The following KY variants were observed in gnomAD, a reference collection of about 807,000 sequenced individuals.
The protein encoded by KY is kyphoscoliosis peptidase.
In KY, 43 loss-of-function variants were observed where a neutral mutation model predicts 76.1. That is an observed-to-expected ratio of 0.57 (90% CI 0.44 to 0.73). The LOEUF is 0.73. Ranked by LOEUF, KY falls within the 30% of genes least tolerant of loss-of-function variation. KY has a pLI of 0.00. For synonymous variants in KY, 277 were observed against 326.2 expected (o/e 0.85, Z 1.63); for missense variants, 722 against 828.9 (o/e 0.87, Z 1.58).
chr3:134,640,980 T>A, intron 3 of KY, among the ~76,000 whole-genome samples: 1 of 152,220 alleles, frequency 6.6e-6, no homozygotes, highest in Non-Finnish European at 1.5e-5. Context: ...AACTCTGCCC[T>A]GTGTCCTCTC....
At chr3:134,626,946 T>G (rs7653880) in intron 5 of KY, among the ~76,000 whole-genome samples, 1 of 152,018 alleles carries the variant, frequency 6.6e-6, no homozygotes, top group East Asian at 1.9e-4. Flanking sequence ...ATCAGGGCGA[T>G]CTAAGTGCAT....
intron 10 of KY, among the ~76,000 whole-genome samples, chr3:134,605,590 C>T (rs1367601219): frequency 2.0e-5 from 3 of 152,174 alleles, no homozygotes; most frequent in African/African-American, 2.4e-5. Context: ...CTACCTTCTT[C>T]GTGGCTGTCC....
At chr3:134,642,997 T>C (rs906301688) in intron 3 of KY, among the ~76,000 whole-genome samples, 6 of 152,194 alleles carry the variant, frequency 3.9e-5, no homozygotes, top group African/African-American at 1.2e-4. Context: ...GCAGGGTGTC[T>C]GGCACATAGT....
chr3:134,623,574 A>T (rs1577686396), intron 6 of KY, among the ~76,000 whole-genome samples: 1 of 114,270 alleles, frequency 8.8e-6, no homozygotes, highest in Non-Finnish European at 1.8e-5. Context: ...ATGCCCCCCT[A>T]CTCTCCTCAG....
Position 134,603,686 on chromosome 3 carries a change from C to T in KY, c.1879G>A (p.Gly627Arg). 2 of 1,613,900 alleles carry T rather than the reference C, an allele frequency of 1.2e-6. No homozygotes were observed. The highest frequency in any genetic ancestry group is 1.7e-6 in the Non-Finnish European group (2 of 1,179,840). ...LTLNHEGYWE[G>R]SCSTAGCQEV... ...TGGCAGCCAGCTGTGCTGCAGCTTC[C>T]CTCCCAGTAGCCCTCGTGGTTCAGG... Residue 627 changes from glycine (G) to arginine (R), a missense_variant, in exon 11 of 11, where the codon GGA (glycine) becomes AGA (arginine). By Grantham distance (125) the Gly-to-Arg change is moderately radical (BLOSUM62 -2). Transcript: ENST00000423778.
intron 3 of KY, among the ~76,000 whole-genome samples, chr3:134,634,219 C>G (rs1434482539): frequency 6.6e-6 from 1 of 151,948 alleles, no homozygotes; most frequent in East Asian, 1.9e-4. Flanking sequence ...GCAAGTTCAA[C>G]CAAACATTTT....
chr3:134,647,526 G>A lies in KY; in HGVS notation c.137-29C>T, dbSNP rs571060028. 1.1e-5 allele frequency: 15 copies of A among 1,417,566 alleles called. No homozygotes were observed. In the African/African-American group the frequency reaches 1.7e-4, roughly 16 times the overall value. 87.8% of individuals were successfully genotyped at this position (1,417,566 alleles called of 1,614,324 possible). On this transcript the variant is annotated intron_variant, in intron 1 of 10. Coordinates refer to ENST00000423778, the MANE Select transcript of KY (RefSeq NM_178554.6). ...CAAAATAACAAGCTTCTCTGAGGTGGGAGACTCAGGGCAAAAGAGTGATGT... is the reference window on the plus strand; with the variant it reads ...CAAAATAACAAGCTTCTCTGAGGTGAGAGACTCAGGGCAAAAGAGTGATGT...
At chr3:134,610,448 G>A in intron 8 of KY, 65 bp from the exon 9 acceptor site, 1 of 1,429,214 alleles carries the variant, frequency 7.0e-7, no homozygotes, top group East Asian at 2.3e-5. Flanking sequence ...GTCTGTCCAT[G>A]GTCTCAGGTT....
At chr3:134,633,845 A>G (rs1356130923) in intron 3 of KY, among the ~76,000 whole-genome samples, 3 of 152,202 alleles carry the variant, frequency 2.0e-5, no homozygotes, top group Admixed American at 6.5e-5. Flanking sequence ...GTCTGTCTAC[A>G]TAGGAAATCC....
intron 1 of KY, among the ~76,000 whole-genome samples, chr3:134,648,792 A>C (rs191805610): frequency 7.2e-5 from 11 of 152,318 alleles, no homozygotes; most frequent in African/African-American, 2.6e-4. Flanking sequence ...CATCCTCTGC[A>C]TTGCAACAAT....
intron 8 of KY, among the ~76,000 whole-genome samples, chr3:134,613,933 GT>G (rs1187358097): frequency 2.6e-5 from 4 of 152,196 alleles, no homozygotes; most frequent in African/African-American, 9.7e-5. Context: ...CACACACTGT[GT>G]ATAAAGCACT....
chr3:134,650,094 G>A (rs138707471), intron 1 of KY, among the ~76,000 whole-genome samples: 2 of 152,248 alleles, frequency 1.3e-5, no homozygotes, highest in African/African-American at 4.8e-5. Flanking sequence ...TTCACATTGT[G>A]TTCTGTCGTC....
Position 134,603,636 on chromosome 3 carries a change from C to G in KY, c.1929G>C (p.Glu643Asp), listed in dbSNP as rs1309077160. The G allele has an allele frequency of 2.5e-6, 4 of 1,611,046 alleles. No homozygotes were observed. In the Admixed American group the frequency reaches 5.0e-5, roughly 20 times the overall value. The change falls in exon 11 of 11, where the codon GAG (glutamate) becomes GAC (aspartate). Residue 643 changes from glutamate (E) to aspartate (D), a missense_variant. Glu to Asp is a conservative substitution (Grantham distance 45, BLOSUM62 2). This residue lies in a region of KY where 552 missense variants were observed against 680.9 expected (regional missense o/e 0.81). Transcript: ENST00000423778. ...AGGAGTAGAAATTGTGGTTGGCATT[C>G]TCCAGCACCATGACATAGACTTCCT... ...GCQEVYVMVL[E>D]NANHNFYSYI...
chr3:134,608,348 G>T (rs961724134), intron 10 of KY: 11 of 1,316,114 alleles, frequency 8.4e-6, no homozygotes, highest in Middle Eastern at 2.3e-4. Context: ...CAGGCTGTGT[G>T]TTCAGCCTTC....
rs993462783 is a variant in KY at position 134,647,439 on chromosome 3, A to C, written c.195T>G (p.Phe65Leu). 5.6e-6 allele frequency: 9 copies of C among 1,608,352 alleles called. No individual in the cohort carries two copies. The highest frequency in any genetic ancestry group is 7.7e-6 in the Non-Finnish European group (9 of 1,175,754). The part of the protein sequence containing the change: ...RRWQKLEGND[F>L]HENLVEKQHP... ...GAAAGGAAAAAGAGAATTTACCGTG[A>C]AAGTCATTTCCTTCTAATTTCTGCC... Residue 65 changes from phenylalanine to leucine, a missense_variant, in exon 2 of 11, where the codon TTT becomes TTG. Phe to Leu is a conservative substitution (Grantham distance 22). Around this residue, in one of 2 missense-constraint regions of KY, gnomAD observed 170 missense variants for 148.1 expected, o/e 1.15. Transcript: ENST00000423778.
chr3:134,622,340 T>C (rs1414291954), intron 6 of KY, among the ~76,000 whole-genome samples: 1 of 152,114 alleles, frequency 6.6e-6, no homozygotes, highest in Non-Finnish European at 1.5e-5. Context: ...ATAAATAAAA[T>C]AGAGTATATA....
intron 10 of KY, chr3:134,607,093 C>T (rs1959309514): frequency 4.1e-6 from 4 of 985,342 alleles, no homozygotes; most frequent in Non-Finnish European, 4.8e-6. Flanking sequence ...GCAAACTCCA[C>T]TCAATGACAT....
rs1466908430 is a variant in KY at position 134,620,841 on chromosome 3, C to T, written c.500G>A (p.Gly167Asp). 3 of 1,611,504 alleles carry T rather than the reference C, an allele frequency of 1.9e-6. No homozygotes were observed. The highest frequency in any genetic ancestry group is 1.7e-6 in the Non-Finnish European group (2 of 1,178,724). Residue 167 changes from glycine (G) to aspartate (D), a missense_variant, in exon 7 of 11, where the codon GGC becomes GAC. By Grantham distance (94) the Gly-to-Asp change is moderately conservative (BLOSUM62 -1). Transcript: ENST00000423778. Reference sequence around the variant, plus strand: ...CAGGTCACTCACCAGTTCGTCTAGGCCACTCTTGGCTGTCACCTGGGGAGC... The same window carrying T: ...CAGGTCACTCACCAGTTCGTCTAGGTCACTCTTGGCTGTCACCTGGGGAGC... The part of the protein sequence containing the change: ...IYASQVTAKS[G>D]LDELVSDLLQ...
At chr3:134,631,486 C>T (rs1964229579) in intron 3 of KY, among the ~76,000 whole-genome samples, 1 of 152,090 alleles carries the variant, frequency 6.6e-6, no homozygotes, top group Non-Finnish European at 1.5e-5. Flanking sequence ...CTGCCCTCCT[C>T]TCAAGTTCTT....
Sources: allele counts gnomAD v4.1 joint callset (sites outside exome capture counted in the v4.1 genomes callset), GRCh38; gene constraint gnomAD v4.1.1; regional missense constraint gnomAD v4.1.1; transcripts MANE v1.5; gene names NCBI Gene and HGNC (gene_info 2026-07-23, HGNC 2026-07-21).